RBM25: variants seen among roughly 807,000 people sequenced by gnomAD.
The protein encoded by RBM25 is RNA-binding protein 25.
RBM25 carries 19 observed loss-of-function variants against 120.7 expected under a neutral mutation model. That is an observed-to-expected ratio of 0.16 (90% CI 0.11 to 0.23). The LOEUF is 0.23. RBM25 is among the 10% of genes least tolerant of loss of function. RBM25 has a pLI of 1.00. For synonymous variants in RBM25, 390 were observed against 326.7 expected (o/e 1.19, Z -2.09); for missense variants, 605 against 1,041.5 (o/e 0.58, Z 5.77).
chr14:73,091,042 A>G (rs1895802603), intron 6 of RBM25, among the ~76,000 whole-genome samples: 1 of 152,226 alleles, frequency 6.6e-6, no homozygotes, highest in African/African-American at 2.4e-5. Flanking sequence ...AGTATCTTCA[A>G]AGTGTTCTGA....
At chr14:73,080,519 G>A (rs780549233) in intron 4 of RBM25, among the ~76,000 whole-genome samples, 65 of 151,762 alleles carry the variant, frequency 4.3e-4, no homozygotes, top group Non-Finnish European at 8.1e-4. Context: ...CACCGCGCCC[G>A]GCCCTCTTAC....
At chr14:73,110,568 A>G (rs1896290732) in intron 14 of RBM25, among the ~76,000 whole-genome samples, 1 of 151,806 alleles carries the variant, frequency 6.6e-6, no homozygotes, top group African/African-American at 2.4e-5. Context: ...AGCTGGGATT[A>G]CAGGCGTGCA....
chr14:73,119,626 G>C, intron 18 of RBM25, 87 bp from the exon 19 acceptor site: 1 of 1,575,442 alleles, frequency 6.3e-7, no homozygotes, highest in East Asian at 2.3e-5. Flanking sequence ...GTCAGTGGAT[G>C]AAAAACTTTT....
At chr14:73,066,922 T>C (rs901515137) in intron 1 of RBM25, among the ~76,000 whole-genome samples, 7 of 152,272 alleles carry the variant, frequency 4.6e-5, no homozygotes, top group African/African-American at 7.2e-5. Flanking sequence ...ATTTTACTTA[T>C]GAAATTGTGA....
intron 1 of RBM25, chr14:73,068,081 A>G (rs2140423815): frequency 1.7e-6 from 1 of 588,476 alleles, no homozygotes; most frequent in Non-Finnish European, 3.1e-6. Context: ...CACTAAGCAC[A>G]TGAGCTACGA....
chr14:73,081,750 C>T (rs1026542074), intron 4 of RBM25, among the ~76,000 whole-genome samples: 1 of 152,174 alleles, frequency 6.6e-6, no homozygotes, highest in South Asian at 2.1e-4. Flanking sequence ...AGCTTATCTT[C>T]CTCACATTGA....
At position 73,064,393 on chromosome 14, in the gene RBM25, A is replaced by G. The variant is rs560104491; in HGVS notation, c.-16+5688A>G. On this transcript the variant is annotated intron_variant, in intron 1 of 18. Coordinates refer to ENST00000261973, the MANE Select transcript of RBM25 (RefSeq NM_021239.3). ...TTTTCTGATTTTCCATGAGAGACCAATCTTTTTTATTTTTGTTTTGAAATG... is the reference window on the plus strand; with the variant it reads ...TTTTCTGATTTTCCATGAGAGACCAGTCTTTTTTATTTTTGTTTTGAAATG... 9.9e-5 allele frequency among the ~76,000 whole-genome samples: 15 copies of G among 151,314 alleles called. 1 individual carries two copies. The highest frequency in any genetic ancestry group is 4.2e-4 in the South Asian group (2 of 4,802).
intron 4 of RBM25, among the ~76,000 whole-genome samples, chr14:73,077,879 G>C (rs1895460438): frequency 6.6e-6 from 1 of 152,190 alleles, no homozygotes; most frequent in South Asian, 2.1e-4. Context: ...ATGAAATTTG[G>C]CCGGGTGCAG....
At chr14:73,113,494 C>T (rs552846385) in intron 17 of RBM25, among the ~76,000 whole-genome samples, 4 of 151,772 alleles carry the variant, frequency 2.6e-5, no homozygotes, top group East Asian at 4.0e-4. Context: ...AGTTTGAGAC[C>T]AGCCCGGCCA....
chr14:73,119,632 C>G lies in RBM25; in HGVS notation c.2440-81C>G, dbSNP rs1398584247. 2.5e-6 allele frequency: 4 copies of G among 1,573,338 alleles called. No homozygotes were observed. In the East Asian group the frequency reaches 6.9e-5, roughly 27 times the overall value. On this transcript the variant is annotated intron_variant, in intron 18 of 18. Coordinates refer to ENST00000261973, the MANE Select transcript of RBM25 (RefSeq NM_021239.3). Reference sequence around the variant, plus strand: ...GTGCTTATTGTCAGTGGATGAAAAACTTTTTTATACTGGCCACTGTTTTTG... The same window carrying G: ...GTGCTTATTGTCAGTGGATGAAAAAGTTTTTTATACTGGCCACTGTTTTTG...
At chr14:73,089,687 A>C (rs549869604) in intron 6 of RBM25, among the ~76,000 whole-genome samples, 1 of 86,086 alleles carries the variant, frequency 1.2e-5, no homozygotes, top group African/African-American at 6.8e-5. Context: ...GTTTGTTTGA[A>C]ATGGAGTTTC....
rs183340485 is a variant in RBM25 at position 73,062,007 on chromosome 14, C to T, written c.-16+3302C>T. ...GGCAACCTGGTGGTTCTCTCTCATCCCAGGAGGTCACCATATTAATGCTGA... is the reference window on the plus strand; with the variant it reads ...GGCAACCTGGTGGTTCTCTCTCATCTCAGGAGGTCACCATATTAATGCTGA... On this transcript the variant is annotated intron_variant, in intron 1 of 18. Coordinates refer to ENST00000261973, the MANE Select transcript of RBM25 (RefSeq NM_021239.3). Among the ~76,000 whole-genome samples the T allele has an allele frequency of 2.0e-5, 3 of 151,322 alleles. No homozygotes were observed. In the East Asian group the frequency reaches 5.8e-4, roughly 29 times the overall value.
At chr14:73,090,050 G>C (rs1162930713) in intron 6 of RBM25, among the ~76,000 whole-genome samples, 1 of 150,974 alleles carries the variant, frequency 6.6e-6, no homozygotes, top group African/African-American at 2.4e-5. Flanking sequence ...ACAGAAAAAA[G>C]TACCCCCCCT....
rs34862161 is a variant in RBM25, at chr14:73,105,126, C to CTTTTTTTTTTTTT, written c.1155-727_1155-715dup. Among the ~76,000 whole-genome samples the CTTTTTTTTTTTTT allele has an allele frequency of 1.6e-4, 17 of 109,520 alleles. 1 individual carries two copies. Among genetic ancestry groups the CTTTTTTTTTTTTT allele is most frequent in the African/African-American group, 6.0e-4 (16 of 26,668 alleles). The allele number at this position is 109,520 out of a possible 152,430, so 71.8% of individuals were successfully genotyped here. A position where few individuals can be genotyped will look rare whatever the true frequency, so the allele number is the denominator to read the frequency against. The stretch of plus-strand genomic sequence containing the variant: ...TGTAATCTGCAGTTTGGTTTTATTA[C>CTTTTTTTTTTTTT]TTTTTTTTTTTTTTTTTTGGAGACG... On this transcript the variant is annotated intron_variant, in intron 10 of 18. Transcript: ENST00000261973.
intron 14 of RBM25, among the ~76,000 whole-genome samples, chr14:73,110,609 A>G (rs1284569676): frequency 6.6e-6 from 1 of 151,856 alleles, no homozygotes; most frequent in Non-Finnish European, 1.5e-5. Flanking sequence ...TTGTATTTTC[A>G]GTAAAGACAG....
In RBM25 at chr14:73,097,091, G is replaced by A; in HGVS notation, c.720G>A (p.Lys240=). The change falls in exon 7 of 19, where the codon AAG becomes AAA. Residue 240 remains lysine, a synonymous_variant. Transcript: ENST00000261973. ...DSHPRKKKKE[K]KEDIFRRFPV... ...ACCCCAGGAAGAAGAAGAAGGAAAA[G>A]AAGGAGGACGTATGTGTTCTGACAA... 6.2e-7 allele frequency: 1 copy of A among 1,606,440 alleles called. No individual in the cohort carries two copies. Among genetic ancestry groups the A allele is most frequent in the Non-Finnish European group, 8.5e-7 (1 of 1,176,376 alleles).
intron 1 of RBM25, among the ~76,000 whole-genome samples, chr14:73,061,732 A>G (rs1432425918): frequency 1.3e-5 from 2 of 150,612 alleles, no homozygotes; most frequent in East Asian, 3.9e-4. Flanking sequence ...ATGCCTGGCT[A>G]TTTTTTTGTA....
chr14:73,068,449 A>G (rs1895196474), intron 1 of RBM25: 2 of 721,552 alleles, frequency 2.8e-6, no homozygotes, highest in Admixed American at 3.8e-5. Context: ...TACCAGCTGT[A>G]TTATCAGGAA....
chr14:73,111,947 G>C, intron 16 of RBM25, 145 bp downstream of exon 16: 6 of 1,195,182 alleles, frequency 5.0e-6, no homozygotes, highest in Non-Finnish European at 7.0e-6. Context: ...TCAATGCCAT[G>C]GTCAAGAAAT....
Sources: allele counts gnomAD v4.1 joint callset (sites outside exome capture counted in the v4.1 genomes callset), GRCh38; gene constraint gnomAD v4.1.1; transcripts MANE v1.5; gene names NCBI Gene and HGNC (gene_info 2026-07-23, HGNC 2026-07-21).